Variants in CFAP65 observed in about 807,000 individuals in gnomAD.
CFAP65 encodes cilia- and flagella-associated protein 65.
In CFAP65, 155 loss-of-function variants were observed where a neutral mutation model predicts 208.0. The observed-to-expected ratio is 0.75, with a 90% CI of 0.65 to 0.85. The LOEUF is 0.85. CFAP65 is among the 40% of genes least tolerant of loss of function. The pLI, the probability that CFAP65 is intolerant of heterozygous loss-of-function variation, is 0.00. For missense variants in CFAP65, 2,294 were observed against 2,451.3 expected, an observed-to-expected ratio of 0.94 and a Z score of 1.36; for synonymous variants, 970 against 986.3, an observed-to-expected ratio of 0.98 and a Z score of 0.31.
At position 219,026,121 on chromosome 2, in the gene CFAP65, G is replaced by A. The variant is rs1384247263; in HGVS notation, c.2250C>T (p.Thr750=). 1.2e-6 allele frequency: 2 copies of A among 1,613,906 alleles called. No homozygotes were observed. Among genetic ancestry groups the A allele is most frequent in the Non-Finnish European group, 1.7e-6 (2 of 1,179,982 alleles). ...QSYSNIEEDC[T]MCPSWCLTVR... ...CCGTCAGGCACCAGGATGGGCACAT[G>A]GTGCAGTCCTCCTCAATATTACTGT... The change falls in exon 14 of 35, where the codon ACC becomes ACT. Residue 750 remains threonine (T), a synonymous_variant. Transcript: ENST00000341552.
chr2:219,040,864 T>C (rs937665258), intron 1 of CFAP65, among the ~76,000 whole-genome samples: 11 of 152,174 alleles, frequency 7.2e-5, no homozygotes, highest in African/African-American at 2.4e-5. Flanking sequence ...AATTTCTCCA[T>C]CTCCCGGAGC....
intron 29 of CFAP65, among the ~76,000 whole-genome samples, chr2:219,008,467 G>T (rs75600934): frequency 0.02 from 3,080 of 152,308 alleles, 106 homozygotes; most frequent in African/African-American, 0.07. Flanking sequence ...ACTCTAGGCT[G>T]GACACAGTGG....
Position 219,031,557 on chromosome 2 carries a change from T to C in CFAP65, c.747A>G (p.Pro249=), listed in dbSNP as rs1408559683. ...CAGCACACATGGGCAGCTGCAGGGATGGTGGGCGGCAGATCAGCCTGTGGC... is the reference window on the plus strand; with the variant it reads ...CAGCACACATGGGCAGCTGCAGGGACGGTGGGCGGCAGATCAGCCTGTGGC... ...LPCHRLICRP[P]SLQLPMCAVG... Residue 249 remains proline (P), a synonymous_variant, in exon 7 of 35, where the codon CCA becomes CCG. Transcript: ENST00000341552. This position sits in a 1 kb window ranked among gnomAD's most constrained non-coding sequence, Gnocchi z 5.2. 1.9e-6 allele frequency: 3 copies of C among 1,614,166 alleles called. No homozygotes were observed. Among genetic ancestry groups the C allele is most frequent in the South Asian group, 1.1e-5 (1 of 91,084 alleles).
chr2:219,021,635 T>C (rs1218108169), intron 18 of CFAP65, 145 bp downstream of exon 18: 2 of 936,156 alleles, frequency 2.1e-6, no homozygotes, highest in African/African-American at 3.3e-5. Flanking sequence ...AGCGTGGAAC[T>C]CCTGGGCTCA....
chr2:219,009,502 G>T, intron 27 of CFAP65, 42 bp from the exon 28 acceptor site: 2 of 1,372,066 alleles, frequency 1.5e-6, no homozygotes, highest in South Asian at 1.2e-5. Flanking sequence ...TCACAGGGAT[G>T]GAATTGGATA....
intron 21 of CFAP65, chr2:219,014,993 G>A (rs1484135386): frequency 2.0e-5 from 3 of 151,638 alleles, no homozygotes; most frequent in East Asian, 2.0e-4. Context: ...CACCTGAGGA[G>A]AATGCATGCA....
chr2:219,022,296 T>A lies in CFAP65; in HGVS notation c.2854A>T (p.Thr952Ser). ...ATCCCCACTTGGAACAGGTACTTGG[T>A]CTCCTCCAAAGGGCTGAAGGTCCAC... ...LTWTFSPLEE[T>S]KYLFQVGMWV... Residue 952 changes from threonine to serine, a missense_variant, in exon 17 of 35, where the codon ACC becomes TCC. Thr to Ser is a moderately conservative substitution (Grantham distance 58). Transcript: ENST00000341552. 3 of 1,607,224 alleles carry A rather than the reference T, an allele frequency of 1.9e-6. No homozygotes were observed. The highest frequency in any genetic ancestry group is 2.5e-6 in the Non-Finnish European group (3 of 1,177,086).
chr2:219,028,087 T>C, intron 12 of CFAP65, 78 bp from the exon 13 acceptor site: 1 of 1,542,256 alleles, frequency 6.5e-7, no homozygotes, highest in Non-Finnish European at 8.8e-7. Flanking sequence ...CACTCCTGTC[T>C]AGAAAGGCTA....
chr2:219,019,480 C>A (rs1381788964), intron 20 of CFAP65, 26 bp downstream of exon 20: 1 of 1,591,856 alleles, frequency 6.3e-7, no homozygotes, highest in Admixed American at 1.7e-5. Flanking sequence ...CCCCCAGCCC[C>A]CACCCCCACT....
In CFAP65 at chr2:219,023,404, G is replaced by T; in HGVS notation, c.2623C>A (p.Pro875Thr). Residue 875 changes from proline (P) to threonine (T), a missense_variant, in exon 16 of 35, where the codon CCA (proline) becomes ACA (threonine). This residue lies in a region of CFAP65 where 1,427 missense variants were observed against 1,438.7 expected (regional missense o/e 0.99). Transcript: ENST00000341552. ...KEVSMYSREE[P>T]LQLKLDTHKS... ...TGGGTGTCCAGCTTCAGCTGCAGTG[G>T]CTCCTCCCGGCTGTACATGCTCACC... 6.3e-7 allele frequency: 1 copy of T among 1,583,370 alleles called. No homozygotes were observed. Among genetic ancestry groups the T allele is most frequent in the Non-Finnish European group, 8.6e-7 (1 of 1,165,210 alleles).
chr2:219,028,298 C>CGGGCCA lies in CFAP65; in HGVS notation c.1748_1753dup (p.Leu583_Ala584dup), dbSNP rs1947790546. The CGGGCCA allele has an allele frequency of 6.2e-7, 1 of 1,613,920 alleles. No homozygotes were observed. Among genetic ancestry groups the CGGGCCA allele is most frequent in the Non-Finnish European group, 8.5e-7 (1 of 1,180,004 alleles). ...GTCAGGGGGGTAGAGCGTCAGGCCC[C>CGGGCCA]GGGCCAGGTGTGTGCGGTACCAGGT... On this transcript the variant is annotated inframe_insertion, in exon 12 of 35. Transcript: ENST00000341552.
rs1947283480 is a variant in CFAP65 at position 219,021,828 on chromosome 2, G to A, written c.3082C>T (p.Leu1028Phe). Residue 1028 changes from leucine (L) to phenylalanine (F), a missense_variant, in exon 18 of 35, where the codon CTC (leucine) becomes TTC (phenylalanine). Coordinates refer to ENST00000341552, the MANE Select transcript of CFAP65 (RefSeq NM_194302.4). ...TCAGGGCTGCCCTGCTCCAGGTAGA[G>A]GCGGTAATAGAGGGTGCAGTTGCCG... ...NDGNCTLYYR[L>F]YLEQGSPEAV... 1.9e-6 allele frequency: 3 copies of A among 1,613,842 alleles called. No homozygotes were observed. In the East Asian group the frequency reaches 6.7e-5, roughly 36 times the overall value.
chr2:219,023,173 G>T, intron 16 of CFAP65, 34 bp downstream of exon 16: 1 of 1,552,170 alleles, frequency 6.4e-7, no homozygotes, highest in Non-Finnish European at 8.8e-7. Context: ...AGAAGTGAAG[G>T]TTGCCGTCAC....
intron 23 of CFAP65, 45 bp from the exon 24 acceptor site, chr2:219,013,414 G>A (rs1215236658): frequency 5.8e-6 from 9 of 1,550,314 alleles, no homozygotes; most frequent in Non-Finnish European, 7.1e-6. Flanking sequence ...AGCCAGTGGA[G>A]ATCTGGACCC....
chr2:219,014,237 A>T, intron 21 of CFAP65, 193 bp from the exon 22 acceptor site: 1 of 472,712 alleles, frequency 2.1e-6, no homozygotes, highest in South Asian at 4.9e-5. Flanking sequence ...ATGGCCCCAA[A>T]ACCCAGGAAC....
intron 19 of CFAP65, 57 bp downstream of exon 19, chr2:219,021,095 C>A (rs528993938): frequency 6.8e-7 from 1 of 1,462,120 alleles, no homozygotes; most frequent in East Asian, 2.5e-5. Flanking sequence ...ACACAGCCCT[C>A]CCCCTTCATC....
chr2:219,018,960 C>A, intron 21 of CFAP65, 91 bp downstream of exon 21: 1 of 1,551,486 alleles, frequency 6.4e-7, no homozygotes, highest in Non-Finnish European at 8.8e-7. Flanking sequence ...AGCAGCCAGG[C>A]CACCACGGGC....
chr2:219,027,201 C>T, intron 13 of CFAP65: 1 of 1,269,464 alleles, frequency 7.9e-7, no homozygotes, highest in East Asian at 3.4e-5. Flanking sequence ...GTTCCCGACC[C>T]AGGGAAGCTG....
At chr2:219,014,344 G>A (rs1336148467) in intron 21 of CFAP65, 1 of 249,244 alleles carries the variant, frequency 4.0e-6, no homozygotes, top group Non-Finnish European at 7.7e-6. Flanking sequence ...GCCACTTTGA[G>A]CTGGCCATGA....
Sources: allele counts gnomAD v4.1 joint callset (sites outside exome capture counted in the v4.1 genomes callset), GRCh38; gene constraint gnomAD v4.1.1; regional missense constraint gnomAD v4.1.1; non-coding constraint Gnocchi (gnomAD v3.1); transcripts MANE v1.5; gene names NCBI Gene and HGNC (gene_info 2026-07-23, HGNC 2026-07-21).